The following PAG1 variants were observed in gnomAD, a reference collection of about 807,000 sequenced individuals.
PAG1 encodes the protein phosphoprotein associated with glycosphingolipid-enriched microdomains 1.
In PAG1, 23 loss-of-function variants were observed where a neutral mutation model predicts 31.7. The ratio of observed to expected loss-of-function variants is 0.73; its 90% CI spans 0.52 to 1.03. The LOEUF (loss-of-function observed/expected upper bound fraction) is 1.03, where lower values mean the gene tolerates loss of function less well. Ranked by LOEUF, PAG1 falls within the 50% of genes least tolerant of loss-of-function variation. The probability of loss-of-function intolerance (pLI) is 0.00; values close to 1 mark genes in which losing one functional copy is unlikely to be tolerated. For synonymous variants in PAG1, 214 were observed against 210.3 expected, an observed-to-expected ratio of 1.02 and a Z score of -0.15; for missense variants, 473 against 540.7, an observed-to-expected ratio of 0.87 and a Z score of 1.24.
intron 4 of PAG1, 43 bp downstream of exon 4, chr8:80,993,060 A>T (rs1807586561): frequency 6.5e-7 from 1 of 1,542,696 alleles, no homozygotes; most frequent in Non-Finnish European, 8.9e-7. Context: ...GGTACAGGGG[A>T]TGTATTAGTT....
intron 2 of PAG1, among the ~76,000 whole-genome samples, chr8:81,068,626 T>C (rs561774936): frequency 6.6e-6 from 1 of 152,378 alleles, no homozygotes; most frequent in African/African-American, 2.4e-5. Flanking sequence ...CAGAGATATA[T>C]TCATTTAAAG....
Position 80,971,806 on chromosome 8 carries a change from G to T in PAG1, c.*4738C>A, listed in dbSNP as rs1217768254. The T allele has an allele frequency of 6.6e-6, 1 of 152,106 alleles. No individual in the cohort carries two copies. Among genetic ancestry groups the T allele is most frequent in the Non-Finnish European group, 1.5e-5 (1 of 68,002 alleles). The allele number at this position is 152,106 out of a possible 1,614,324, so 9.4% of individuals were successfully genotyped here. A position where few individuals can be genotyped will look rare whatever the true frequency, so the allele number is the denominator to read the frequency against. On this transcript the variant is annotated 3_prime_UTR_variant, in exon 9 of 9. Coordinates refer to ENST00000220597, the MANE Select transcript of PAG1 (RefSeq NM_018440.4). ...CATACTTCACAAATAGTAGAGACTAGATGTAAACACAGACCTAAAAATGAG... is the reference window on the plus strand; with the variant it reads ...CATACTTCACAAATAGTAGAGACTATATGTAAACACAGACCTAAAAATGAG...
At chr8:81,013,139 C>T (rs1464459122) in intron 3 of PAG1, among the ~76,000 whole-genome samples, 1 of 152,178 alleles carries the variant, frequency 6.6e-6, no homozygotes, top group Non-Finnish European at 1.5e-5. Flanking sequence ...TTATGGTAAC[C>T]ACACATTTGA....
intron 3 of PAG1, among the ~76,000 whole-genome samples, chr8:81,015,738 T>C (rs1195311063): frequency 6.6e-6 from 1 of 152,232 alleles, no homozygotes; most frequent in African/African-American, 2.4e-5. Flanking sequence ...AGGATTGTTG[T>C]GAGCTATAGG....
intron 1 of PAG1, among the ~76,000 whole-genome samples, chr8:81,078,526 G>A (rs936163078): frequency 2.0e-5 from 3 of 152,128 alleles, no homozygotes; most frequent in African/African-American, 7.2e-5. Flanking sequence ...TTGGAAAAGA[G>A]ACACATTTTC....
intron 2 of PAG1, among the ~76,000 whole-genome samples, chr8:81,049,158 G>A (rs1020090520): frequency 2.6e-5 from 4 of 152,246 alleles, no homozygotes; most frequent in African/African-American, 4.8e-5. Flanking sequence ...GGCATATACC[G>A]ATAGATTTTC....
intron 1 of PAG1, among the ~76,000 whole-genome samples, chr8:81,092,189 C>CAAAAAAAAAAAAA (rs58417714): frequency 1.4e-5 from 1 of 71,400 alleles, no homozygotes. Flanking sequence ...CACATCTCTG[C>CAAAAAAAAAAAAA]AAAAAAAAAA....
intron 2 of PAG1, among the ~76,000 whole-genome samples, chr8:81,069,475 T>G (rs1306497346): frequency 6.6e-6 from 1 of 152,220 alleles, no homozygotes; most frequent in Admixed American, 6.5e-5. Context: ...TGATAACCAT[T>G]GTAGTAAATG....
At chr8:81,078,658 T>A (rs898332130) in intron 1 of PAG1, among the ~76,000 whole-genome samples, 2 of 152,124 alleles carry the variant, frequency 1.3e-5, no homozygotes, top group African/African-American at 4.8e-5. Context: ...CTCCATACAC[T>A]AAGGGACAGG....
intron 2 of PAG1, among the ~76,000 whole-genome samples, chr8:81,065,089 T>C (rs1808981172): frequency 6.6e-6 from 1 of 152,070 alleles, no homozygotes; most frequent in African/African-American, 2.4e-5. Flanking sequence ...CAGCTGCTCT[T>C]GGGGGGAGGC....
chr8:81,030,802 A>T (rs1376149945), intron 2 of PAG1, among the ~76,000 whole-genome samples: 1 of 152,186 alleles, frequency 6.6e-6, no homozygotes, highest in Non-Finnish European at 1.5e-5. Flanking sequence ...CCATCCTCAA[A>T]TAAGTCTCTC....
At chr8:81,051,715 T>G (rs1808731582) in intron 2 of PAG1, among the ~76,000 whole-genome samples, 2 of 152,266 alleles carry the variant, frequency 1.3e-5, no homozygotes. Flanking sequence ...TCCTTTGATC[T>G]TTGATTTTAT....
rs181511561 is a variant in PAG1 at position 80,990,760 on chromosome 8, C to T, written c.177+719G>A. On this transcript the variant is annotated intron_variant, in intron 5 of 8. Transcript: ENST00000220597. The surrounding 1 kb of genome is among the most constrained non-coding windows in gnomAD (Gnocchi z 5.1). ...TATATACCTAGGGTGTTGTGGGTCC[C>T]AAGCTCCCTCCAGCTTAATGACCTG... Among the ~76,000 whole-genome samples the T allele has an allele frequency of 4.8e-3, 724 of 152,226 alleles. 3 individuals are homozygous for T. The highest frequency in any genetic ancestry group is 7.2e-3 in the Non-Finnish European group (489 of 68,008).
At chr8:81,104,369 C>T in intron 1 of PAG1, among the ~76,000 whole-genome samples, 1 of 136,926 alleles carries the variant, frequency 7.3e-6, no homozygotes, top group South Asian at 2.2e-4. Flanking sequence ...CTTCTGACAG[C>T]CACCTTGGCC....
chr8:81,041,471 T>C (rs1236918240), intron 2 of PAG1, among the ~76,000 whole-genome samples: 3 of 152,200 alleles, frequency 2.0e-5, no homozygotes, highest in Non-Finnish European at 2.9e-5. Flanking sequence ...AGGGAAGTAT[T>C]GCGGGGGCTG....
chr8:81,088,362 C>A (rs1408651157), intron 1 of PAG1, among the ~76,000 whole-genome samples: 1 of 152,116 alleles, frequency 6.6e-6, no homozygotes, highest in African/African-American at 2.4e-5. Flanking sequence ...TTATTAACTG[C>A]GGATTTTTTT....
chr8:81,041,273 T>C (rs1230725575), intron 2 of PAG1, among the ~76,000 whole-genome samples: 2 of 151,816 alleles, frequency 1.3e-5, no homozygotes, highest in Non-Finnish European at 2.9e-5. Context: ...GGCAAGAAAA[T>C]CTATACAAAA....
intron 4 of PAG1, 87 bp from the exon 5 acceptor site, chr8:80,991,617 A>G: frequency 5.6e-6 from 5 of 893,240 alleles, no homozygotes; most frequent in Non-Finnish European, 9.4e-6. Flanking sequence ...AATTCTTATC[A>G]GCTTTTAAAT....
At chr8:81,091,029 T>C (rs1376319087) in intron 1 of PAG1, among the ~76,000 whole-genome samples, 1 of 152,226 alleles carries the variant, frequency 6.6e-6, no homozygotes, top group Non-Finnish European at 1.5e-5. Flanking sequence ...CAGGAACATA[T>C]GTCATCCAGA....
Sources: gnomAD v4.1 joint callset for allele counts (sites outside exome capture counted in the v4.1 genomes callset) on GRCh38, gnomAD v4.1.1 for gene constraint, Gnocchi (gnomAD v3.1) non-coding constraint, MANE v1.5 for transcripts, NCBI Gene and HGNC (gene_info 2026-07-23, HGNC 2026-07-21) for gene names.